Variants in C6 observed in about 807,000 individuals in gnomAD.
The protein encoded by C6 is complement component C6.
In C6, 101 loss-of-function variants were observed where a neutral mutation model predicts 112.9. The observed-to-expected ratio is 0.89, with a 90% CI of 0.76 to 1.06. The LOEUF (loss-of-function observed/expected upper bound fraction) is 1.06, where lower values mean the gene tolerates loss of function less well. C6 is among the 50% of genes least tolerant of loss of function. The pLI, the probability that C6 is intolerant of heterozygous loss-of-function variation, is 0.00. For missense variants in C6, 1,202 were observed against 1,104.6 expected, an observed-to-expected ratio of 1.09 and a Z score of -1.25; for synonymous variants, 431 against 384.1, an observed-to-expected ratio of 1.12 and a Z score of -1.43.
At chr5:41,159,686 A>G (rs1372132709) in intron 11 of C6, among the ~76,000 whole-genome samples, 1 of 152,148 alleles carries the variant, frequency 6.6e-6, no homozygotes, top group Non-Finnish European at 1.5e-5. Context: ...GTAACTATGA[A>G]CATACTTAGT....
At chr5:41,179,912 T>C (rs1263253752) in intron 7 of C6, among the ~76,000 whole-genome samples, 1 of 151,998 alleles carries the variant, frequency 6.6e-6, no homozygotes, top group African/African-American at 2.4e-5. Context: ...AACTCTAGCA[T>C]TTATTTACTG....
chr5:41,226,625 G>T (rs777923778), intron 1 of C6, among the ~76,000 whole-genome samples: 2 of 151,922 alleles, frequency 1.3e-5, no homozygotes, highest in East Asian at 3.9e-4. Context: ...TCCCTCCTGC[G>T]GCCCCTGCTA....
At position 41,172,282 on chromosome 5, in the gene C6, TA is replaced by T; in HGVS notation, c.1233del (p.Lys412ArgfsTer32). On this transcript the variant is annotated frameshift_variant, in exon 9 of 18. Transcript: ENST00000337836. LOFTEE classifies it high-confidence loss of function. ...CACCTATGTTCCACTTTTGTTTTCT[TA>T]GCAAATAAAACGCGTTTCTTTGTTT... ...RIETKKRVLF[A>X]KKTKVEHRCT... 1 of 1,613,768 alleles carries T rather than the reference TA, an allele frequency of 6.2e-7. No homozygotes were observed. Among genetic ancestry groups the T allele is most frequent in the Admixed American group, 1.7e-5 (1 of 59,964 alleles).
rs1554022450 is a variant in C6 at position 41,172,417 on chromosome 5, T to G, written c.1169-70A>C. ...GACAATTCAAAGAGGAACATGGTGCTCTGGTCACTTCGGATCTACAGATAC... is the reference window on the plus strand; with the variant it reads ...GACAATTCAAAGAGGAACATGGTGCGCTGGTCACTTCGGATCTACAGATAC... On this transcript the variant is annotated intron_variant, in intron 8 of 17. Coordinates refer to ENST00000337836, the MANE Select transcript of C6 (RefSeq NM_000065.5). 4.1e-6 allele frequency: 6 copies of G among 1,466,636 alleles called. No homozygotes were observed. In the South Asian group the frequency reaches 4.6e-5, roughly 11 times the overall value. The allele number at this position is 1,466,636 out of a possible 1,614,324, so 90.9% of individuals were successfully genotyped here. A position where few individuals can be genotyped will look rare whatever the true frequency, so the allele number is the denominator to read the frequency against.
At chr5:41,153,325 G>T (rs985967055) in intron 15 of C6, among the ~76,000 whole-genome samples, 1 of 152,140 alleles carries the variant, frequency 6.6e-6, no homozygotes, top group Non-Finnish European at 1.5e-5. Context: ...TAATCTAAGG[G>T]CACGTGTGTG....
Position 41,234,362 on chromosome 5 carries a change from TTG to T in C6, c.-21+26830_-21+26831del, listed in dbSNP as rs1302263018. Among the ~76,000 whole-genome samples, 589 of 140,638 alleles carry T rather than the reference TTG, an allele frequency of 4.2e-3. 5 individuals are homozygous for T. The highest frequency in any genetic ancestry group is 0.017 in the African/African-American group (563 of 32,596). The allele number at this position is 140,638 out of a possible 152,430, so 92.3% of individuals were successfully genotyped here. A position where few individuals can be genotyped will look rare whatever the true frequency, so the allele number is the denominator to read the frequency against. ...CGTTTTTTTTTTTGTTTTTTGTTTT[TTG>T]TTTTTTTTTTTTGCTTGGAAGATGT... On this transcript the variant is annotated intron_variant, in intron 1 of 17. Coordinates refer to the C6 transcript ENST00000263413.
At chr5:41,167,122 T>C (rs1195671319) in intron 9 of C6, among the ~76,000 whole-genome samples, 2 of 152,106 alleles carry the variant, frequency 1.3e-5, no homozygotes, top group Non-Finnish European at 2.9e-5. Context: ...GCTTTCTATA[T>C]ATACAGCCTC....
intron 13 of C6, 51 bp downstream of exon 13, chr5:41,158,623 T>C: frequency 1.1e-6 from 1 of 935,206 alleles, no homozygotes; most frequent in Non-Finnish European, 1.8e-6. Context: ...CAAGCTATAC[T>C]TTTCGAGGTT....
At chr5:41,224,921 T>C (rs1360945809) in intron 1 of C6, among the ~76,000 whole-genome samples, 1 of 152,040 alleles carries the variant, frequency 6.6e-6, no homozygotes, top group Non-Finnish European at 1.5e-5. Context: ...TGTTATTTTC[T>C]TTTTTTTCTT....
chr5:41,223,803 AAT>A (rs1000481736), intron 1 of C6, among the ~76,000 whole-genome samples: 24 of 151,986 alleles, frequency 1.6e-4, no homozygotes, highest in African/African-American at 5.8e-4. Flanking sequence ...ATATTTCAAC[AAT>A]GTTTCAATAA....
At chr5:41,194,311 A>G (rs1750443796) in intron 5 of C6, among the ~76,000 whole-genome samples, 1 of 152,174 alleles carries the variant, frequency 6.6e-6, no homozygotes, top group Admixed American at 6.5e-5. Flanking sequence ...CAACATATAG[A>G]TGAGGAAACC....
intron 17 of C6, among the ~76,000 whole-genome samples, chr5:41,148,359 G>A (rs1241933328): frequency 1.3e-5 from 2 of 152,176 alleles, no homozygotes; most frequent in Non-Finnish European, 2.9e-5. Flanking sequence ...ATAACATGTA[G>A]AGTATGCTCC....
chr5:41,260,448 AC>A lies in C6; in HGVS notation c.-21+745del, dbSNP rs61132411. Reference sequence around the variant, plus strand: ...TTGTTCAGTAAAAACAAACAAATAAACCCCCCCCCAAAACAAACAAACAAAT... The same window carrying A: ...TTGTTCAGTAAAAACAAACAAATAAACCCCCCCCAAAACAAACAAACAAAT... On this transcript the variant is annotated intron_variant, in intron 1 of 17. Transcript: ENST00000263413. Among the ~76,000 whole-genome samples the A allele has an allele frequency of 1.1e-3, 166 of 144,658 alleles. 1 individual carries two copies. Among genetic ancestry groups the A allele is most frequent in the Non-Finnish European group, 1.1e-3 (71 of 66,520 alleles). The allele number at this position is 144,658 out of a possible 152,430, so 94.9% of individuals were successfully genotyped here. A position where few individuals can be genotyped will look rare whatever the true frequency, so the allele number is the denominator to read the frequency against.
chr5:41,152,293 G>T (rs1289651669), intron 15 of C6, among the ~76,000 whole-genome samples: 2 of 152,004 alleles, frequency 1.3e-5, no homozygotes, highest in African/African-American at 4.8e-5. Flanking sequence ...TGAAAATAGA[G>T]GGAGTGACAC....
At chr5:41,211,759 G>A (rs928903091) in intron 1 of C6, among the ~76,000 whole-genome samples, 1 of 150,224 alleles carries the variant, frequency 6.7e-6, no homozygotes, top group Non-Finnish European at 1.5e-5. Context: ...TGTTGGACAA[G>A]ACAGATATCT....
chr5:41,150,156 T>G (rs1242732501), intron 15 of C6, 131 bp from the exon 16 acceptor site: 2 of 695,600 alleles, frequency 2.9e-6, no homozygotes, highest in Admixed American at 2.1e-5. Flanking sequence ...TCATTTTGGC[T>G]TCTCTAAATA....
chr5:41,226,916 A>T (rs1000594917), intron 1 of C6, among the ~76,000 whole-genome samples: 33 of 152,210 alleles, frequency 2.2e-4, no homozygotes, highest in Admixed American at 1.3e-3. Context: ...CACAGTGAAC[A>T]TAAGAGTACA....
At chr5:41,194,917 C>T (rs1750492409) in intron 5 of C6, among the ~76,000 whole-genome samples, 1 of 152,188 alleles carries the variant, frequency 6.6e-6, no homozygotes, top group African/African-American at 2.4e-5. Context: ...CCTGAGGTTT[C>T]TTCCAGGGTG....
At chr5:41,235,219 CT>C (rs1223304244) in intron 1 of C6, among the ~76,000 whole-genome samples, 2 of 107,900 alleles carry the variant, frequency 1.9e-5, no homozygotes, top group Non-Finnish European at 3.7e-5. Context: ...AATGCTATCC[CT>C]CCCCCCTCCC....
Sources: allele counts gnomAD v4.1 joint callset (sites outside exome capture counted in the v4.1 genomes callset), GRCh38; gene constraint gnomAD v4.1.1; transcripts MANE v1.5; gene names NCBI Gene and HGNC (gene_info 2026-07-23, HGNC 2026-07-21).